Variants in ADAMTS12 observed in about 807,000 individuals in gnomAD.
The protein encoded by ADAMTS12 is A disintegrin and metalloproteinase with thrombospondin motifs 12.
A neutral mutation model predicts 167.8 loss-of-function variants in ADAMTS12; 118 were observed. The observed-to-expected ratio is 0.70, with a 90% CI of 0.61 to 0.82. The LOEUF is 0.82. ADAMTS12 is among the 40% of genes least tolerant of loss of function. The pLI is 0.00. For missense variants in ADAMTS12, 1,916 were observed against 1,998.8 expected (o/e 0.96, Z 0.79); for synonymous variants, 704 against 716.9 (o/e 0.98, Z 0.29).
chr5:33,832,090 G>T (rs548595235), intron 2 of ADAMTS12, among the ~76,000 whole-genome samples: 1 of 152,162 alleles, frequency 6.6e-6, no homozygotes, highest in Non-Finnish European at 1.5e-5. Context: ...CAAGACTGTC[G>T]TTCATGAACC....
intron 18 of ADAMTS12, among the ~76,000 whole-genome samples, chr5:33,586,324 C>A (rs1053268962): frequency 6.6e-6 from 1 of 152,164 alleles, no homozygotes; most frequent in African/African-American, 2.4e-5. Flanking sequence ...AAAGGAAGAC[C>A]CATTTGATGA....
intron 2 of ADAMTS12, among the ~76,000 whole-genome samples, chr5:33,775,255 T>C (rs1745875078): frequency 6.6e-6 from 1 of 152,144 alleles, no homozygotes. Flanking sequence ...TGAAGAGTAA[T>C]AATTAAAGCT....
rs1033790936 is a variant in ADAMTS12, at chr5:33,844,730, C to A, written c.489+36389G>T. On this transcript the variant is annotated intron_variant, in intron 2 of 23. Transcript: ENST00000504830. ...TTGTGAAGCACGTGATCTCTGTGACCCACACCCTATTTGTAGACTCCCTTC... is the reference window on the plus strand; with the variant it reads ...TTGTGAAGCACGTGATCTCTGTGACACACACCCTATTTGTAGACTCCCTTC... Among the ~76,000 whole-genome samples the A allele has an allele frequency of 3.9e-5, 6 of 152,226 alleles. No homozygotes were observed. The East Asian group carries it at 1.2e-3, about 29-fold the overall frequency.
intron 2 of ADAMTS12, among the ~76,000 whole-genome samples, chr5:33,792,433 G>C (rs1746613009): frequency 6.6e-6 from 1 of 152,158 alleles, no homozygotes; most frequent in Non-Finnish European, 1.5e-5. Context: ...AAATTAGATA[G>C]GACTAAAATT....
intron 3 of ADAMTS12, among the ~76,000 whole-genome samples, chr5:33,703,531 A>C (rs114274864): frequency 0.013 from 1,957 of 152,092 alleles, 39 homozygotes; most frequent in African/African-American, 0.045. Context: ...GAAACTTTGC[A>C]CTCTTTGACT....
chr5:33,743,594 C>T (rs1744675051), intron 3 of ADAMTS12, among the ~76,000 whole-genome samples: 1 of 152,168 alleles, frequency 6.6e-6, no homozygotes, highest in South Asian at 2.1e-4. Context: ...ATTTTGTTCA[C>T]CCTTGTATCC....
chr5:33,588,953 C>CGT lies in ADAMTS12; in HGVS notation c.2655-145_2655-144insAC. The CGT allele has an allele frequency of 3.2e-6, 3 of 951,172 alleles. 1 individual carries two copies. In the South Asian group the frequency reaches 4.3e-5, roughly 14 times the overall value. 58.9% of individuals were successfully genotyped at this position (951,172 alleles called of 1,614,324 possible). On this transcript the variant is annotated intron_variant, in intron 17 of 23. Transcript: ENST00000504830. ...CTCCAACCCACTAGGGGGCGTGCTG[C>CGT]AGACAGGGCCACCGTGTCTTCAATC...
chr5:33,796,213 T>C (rs1746770856), intron 2 of ADAMTS12, among the ~76,000 whole-genome samples: 1 of 152,214 alleles, frequency 6.6e-6, no homozygotes, highest in South Asian at 2.1e-4. Context: ...CGTGGCATAC[T>C]CTATCCACCA....
intron 3 of ADAMTS12, among the ~76,000 whole-genome samples, chr5:33,746,089 T>C (rs998736855): frequency 6.6e-5 from 10 of 152,208 alleles, no homozygotes; most frequent in East Asian, 5.8e-4. Context: ...CGCTATCTCA[T>C]AGCAAAGCAA....
intron 3 of ADAMTS12, among the ~76,000 whole-genome samples, chr5:33,699,181 TAA>T (rs2112293682): frequency 6.6e-6 from 1 of 151,620 alleles, no homozygotes; most frequent in African/African-American, 2.4e-5. Context: ...TAAAAATAAA[TAA>T]AAATAAAAAG....
rs148049218 is a variant in ADAMTS12, at chr5:33,616,958, C to T, written c.2144-886G>A. Reference sequence around the variant, plus strand: ...CACTTTCTTTATGATTCTTGAGAACCATTCCCTAATAAAATGGAAAGAACA... The same window carrying T: ...CACTTTCTTTATGATTCTTGAGAACTATTCCCTAATAAAATGGAAAGAACA... On this transcript the variant is annotated intron_variant, in intron 14 of 23. Transcript: ENST00000504830. Among the ~76,000 whole-genome samples the T allele has an allele frequency of 3.9e-3, 600 of 152,290 alleles. 4 individuals carry two copies. Among genetic ancestry groups the T allele is most frequent in the South Asian group, 0.012 (60 of 4,826 alleles).
At chr5:33,746,079 C>T (rs867961844) in intron 3 of ADAMTS12, among the ~76,000 whole-genome samples, 3 of 152,168 alleles carry the variant, frequency 2.0e-5, no homozygotes, top group African/African-American at 4.8e-5. Flanking sequence ...TTAAAATGTT[C>T]GCTATCTCAT....
chr5:33,756,477 GAC>G (rs2112400323), intron 2 of ADAMTS12, among the ~76,000 whole-genome samples: 1 of 152,346 alleles, frequency 6.6e-6, no homozygotes, highest in African/African-American at 2.4e-5. Flanking sequence ...GTTTGCAAGA[GAC>G]AGTTTTTTTC....
chr5:33,542,358 A>G (rs1199978548), intron 22 of ADAMTS12, among the ~76,000 whole-genome samples: 4 of 152,164 alleles, frequency 2.6e-5, no homozygotes, highest in Non-Finnish European at 4.4e-5. Flanking sequence ...AGACCTACAA[A>G]GAGACTTAGA....
At chr5:33,696,620 C>G (rs1742788061) in intron 3 of ADAMTS12, among the ~76,000 whole-genome samples, 1 of 152,094 alleles carries the variant, frequency 6.6e-6, no homozygotes, top group African/African-American at 2.4e-5. Flanking sequence ...GATAGTGTCA[C>G]AGCTGGTGAG....
intron 12 of ADAMTS12, among the ~76,000 whole-genome samples, chr5:33,634,929 A>G (rs1740119351): frequency 6.6e-6 from 1 of 152,038 alleles, no homozygotes; most frequent in Admixed American, 6.6e-5. Context: ...TGGTGCAATC[A>G]TAGGTCATTA....
intron 2 of ADAMTS12, among the ~76,000 whole-genome samples, chr5:33,873,746 T>C (rs958057118): frequency 6.6e-6 from 1 of 152,122 alleles, no homozygotes; most frequent in African/African-American, 2.4e-5. Context: ...AGCCCATAAA[T>C]AGACCAACAT....
chr5:33,795,276 G>A (rs187256658), intron 2 of ADAMTS12, among the ~76,000 whole-genome samples: 6 of 152,230 alleles, frequency 3.9e-5, no homozygotes, highest in Admixed American at 2.6e-4. Flanking sequence ...TTAGGCTGGC[G>A]AATTCAGTGA....
Position 33,751,362 on chromosome 5 carries a change from A to C in ADAMTS12, c.634+42T>G. ...TTTTAATAAAACAACCAAAAGAACA[A>C]AACAGATTCTTCAACCCAGGAGGAC... is the stretch of plus-strand genomic sequence containing the variant. On this transcript the variant is annotated intron_variant, in intron 3 of 23. Transcript: ENST00000504830. 9 of 1,613,968 alleles carry C rather than the reference A, an allele frequency of 5.6e-6. 1 individual carries two copies. The highest frequency in any genetic ancestry group is 7.6e-6 in the Non-Finnish European group (9 of 1,179,842).
Sources: gnomAD v4.1 joint callset for allele counts (sites outside exome capture counted in the v4.1 genomes callset) on GRCh38, gnomAD v4.1.1 for gene constraint, MANE v1.5 for transcripts, NCBI Gene and HGNC (gene_info 2026-07-23, HGNC 2026-07-21) for gene names.